PPP1R9A: variants seen among roughly 807,000 people sequenced by gnomAD.
PPP1R9A encodes the protein neurabin-1.
A neutral mutation model predicts 141.9 loss-of-function variants in PPP1R9A; 59 were observed. The observed-to-expected ratio is 0.42, with a 90% CI of 0.34 to 0.52. The LOEUF (loss-of-function observed/expected upper bound fraction) is 0.52. Among genes scored for constraint, PPP1R9A ranks in the 20% least tolerant of loss-of-function variants. PPP1R9A has a pLI of 0.10. For synonymous variants in PPP1R9A, 500 were observed against 569.7 expected, an observed-to-expected ratio of 0.88 and a Z score of 1.74; for missense variants, 1,444 against 1,611.9, an observed-to-expected ratio of 0.90 and a Z score of 1.78.
intron 12 of PPP1R9A, among the ~76,000 whole-genome samples, chr7:95,256,791 C>T (rs189377183): frequency 6.6e-6 from 1 of 152,128 alleles, no homozygotes; most frequent in African/African-American, 2.4e-5. Context: ...ATTTAAGAAG[C>T]ATCAGACATC....
intron 7 of PPP1R9A, among the ~76,000 whole-genome samples, chr7:95,215,338 A>G (rs973173949): frequency 1.3e-5 from 2 of 152,044 alleles, no homozygotes; most frequent in African/African-American, 4.8e-5. Flanking sequence ...TCCATGGTGT[A>G]TATGTGCCAC....
At chr7:94,960,678 G>A (rs1178532505) in intron 2 of PPP1R9A, among the ~76,000 whole-genome samples, 1 of 151,652 alleles carries the variant, frequency 6.6e-6, no homozygotes, top group Admixed American at 6.6e-5. Flanking sequence ...TAAGGAGACT[G>A]TTATTCAGTA....
At chr7:95,163,192 A>G (rs763352851) in intron 5 of PPP1R9A, among the ~76,000 whole-genome samples, 4 of 152,236 alleles carry the variant, frequency 2.6e-5, no homozygotes, top group Non-Finnish European at 2.9e-5. Flanking sequence ...TCAGTTGGAA[A>G]AGAATTTGTA....
chr7:95,075,439 C>G (rs531356891), intron 2 of PPP1R9A, among the ~76,000 whole-genome samples: 3 of 152,118 alleles, frequency 2.0e-5, no homozygotes, highest in Non-Finnish European at 4.4e-5. Flanking sequence ...GAAAAACATT[C>G]ACTTAATACA....
At chr7:94,945,232 G>C (rs945429479) in intron 2 of PPP1R9A, among the ~76,000 whole-genome samples, 11 of 151,994 alleles carry the variant, frequency 7.2e-5, no homozygotes, top group African/African-American at 2.7e-4. Flanking sequence ...TTAACCTCTG[G>C]TGCTTTTCTT....
chr7:94,935,164 A>G (rs953944340), intron 2 of PPP1R9A, among the ~76,000 whole-genome samples: 44 of 152,198 alleles, frequency 2.9e-4, no homozygotes, highest in African/African-American at 1.0e-3. Flanking sequence ...TACATTGTCT[A>G]TGGAGAGTCA....
At chr7:94,967,391 C>A (rs985649252) in intron 2 of PPP1R9A, among the ~76,000 whole-genome samples, 4 of 151,916 alleles carry the variant, frequency 2.6e-5, no homozygotes, top group African/African-American at 9.7e-5. Flanking sequence ...TTCTCTAGTT[C>A]TTTTAATTGT....
chr7:95,293,193 C>T lies in PPP1R9A; in HGVS notation c.*2890C>T, dbSNP rs955322525. The T allele has an allele frequency of 6.6e-6, 1 of 152,128 alleles. No individual in the cohort carries two copies. Among genetic ancestry groups the T allele is most frequent in the Non-Finnish European group, 1.5e-5 (1 of 68,036 alleles). The allele number at this position is 152,128 out of a possible 1,614,324, so 9.4% of individuals were successfully genotyped here. ...AGCATTGTATGAGCTGTATCTGGGTCAGGGTTTCCCATTAAAGGATGTTAG... is the reference window on the plus strand; with the variant it reads ...AGCATTGTATGAGCTGTATCTGGGTTAGGGTTTCCCATTAAAGGATGTTAG... On this transcript the variant is annotated 3_prime_UTR_variant, in exon 20 of 20. Transcript: ENST00000433360.
intron 2 of PPP1R9A, among the ~76,000 whole-genome samples, chr7:95,023,577 G>A (rs1405586625): frequency 6.6e-6 from 1 of 151,710 alleles, no homozygotes; most frequent in African/African-American, 2.4e-5. Context: ...TGTTTGAGAT[G>A]GAGTCTTGCT....
intron 5 of PPP1R9A, among the ~76,000 whole-genome samples, chr7:95,169,740 C>T (rs1831826277): frequency 6.6e-6 from 1 of 151,840 alleles, no homozygotes; most frequent in Admixed American, 6.6e-5. Context: ...ATTCAAAAGC[C>T]TTAAAAGCAA....
rs1798768594 is a variant in PPP1R9A at position 95,250,783 on chromosome 7, C to G, written c.2396+528C>G. 2.0e-5 allele frequency among the ~76,000 whole-genome samples: 3 copies of G among 152,120 alleles called. No homozygotes were observed. In the South Asian group the frequency reaches 6.2e-4, roughly 32 times the overall value. On this transcript the variant is annotated intron_variant, in intron 10 of 19. Transcript: ENST00000433360. The stretch of plus-strand genomic sequence containing the variant: ...GCTGTTGAGAGAATCAGGAGGGCCT[C>G]CTTTCACTGCAGGGAGAGAGACCAT...
intron 2 of PPP1R9A, among the ~76,000 whole-genome samples, chr7:95,072,284 A>G (rs1378183366): frequency 4.8e-5 from 7 of 145,018 alleles, no homozygotes; most frequent in South Asian, 4.2e-4. Flanking sequence ...ATAATATAAT[A>G]TATATTATAA....
chr7:95,098,943 C>T (rs1031138407), intron 2 of PPP1R9A, among the ~76,000 whole-genome samples: 6 of 152,170 alleles, frequency 3.9e-5, no homozygotes, highest in Non-Finnish European at 5.9e-5. Flanking sequence ...TCAAGAGAAG[C>T]TCTCAAACCC....
intron 16 of PPP1R9A, among the ~76,000 whole-genome samples, chr7:95,275,344 G>A (rs1802962969): frequency 6.6e-6 from 1 of 150,382 alleles, no homozygotes; most frequent in Non-Finnish European, 1.5e-5. Flanking sequence ...GGAGGCGGAG[G>A]TTTGAGTGAG....
rs557720087 is a variant in PPP1R9A at position 95,250,744 on chromosome 7, C to T, written c.2396+489C>T. On this transcript the variant is annotated intron_variant, in intron 10 of 19. Transcript: ENST00000433360. ...ACTAGCAAGGCCCCCTGCCCTGCCA[C>T]TCTGCATTTCTCAGCTGTTGAGAGA... 2.0e-5 allele frequency among the ~76,000 whole-genome samples: 3 copies of T among 152,286 alleles called. No homozygotes were observed. The South Asian group carries it at 6.2e-4, about 32-fold the overall frequency.
At chr7:95,091,999 A>G (rs892988392) in intron 2 of PPP1R9A, among the ~76,000 whole-genome samples, 4 of 152,052 alleles carry the variant, frequency 2.6e-5, no homozygotes, top group African/African-American at 9.7e-5. Context: ...TGATTATGAG[A>G]TTTAAATGAG....
intron 2 of PPP1R9A, among the ~76,000 whole-genome samples, chr7:94,988,874 G>C (rs1801164578): frequency 6.6e-6 from 1 of 151,480 alleles, no homozygotes; most frequent in Non-Finnish European, 1.5e-5. Flanking sequence ...TCAGTCCTTA[G>C]CTGTTCAGGA....
Position 95,017,451 on chromosome 7 carries a change from G to A in PPP1R9A, c.1396-93808G>A, listed in dbSNP as rs144641168. Reference sequence around the variant, plus strand: ...TGGTGCATTCATTTATCCTAACAGCGTACTGTTGGAAAATGAATTTTAAAA... The same window carrying A: ...TGGTGCATTCATTTATCCTAACAGCATACTGTTGGAAAATGAATTTTAAAA... On this transcript the variant is annotated intron_variant, in intron 2 of 19. Coordinates refer to ENST00000433360, the MANE Select transcript of PPP1R9A (RefSeq NM_001166160.2). Among the ~76,000 whole-genome samples, 328 of 152,152 alleles carry A rather than the reference G, an allele frequency of 2.2e-3. 1 individual carries two copies. Among genetic ancestry groups the A allele is most frequent in the Non-Finnish European group, 2.7e-3 (186 of 67,988 alleles).
Position 95,089,611 on chromosome 7 carries a change from C to T in PPP1R9A, c.1396-21648C>T, listed in dbSNP as rs191887218. 3.3e-5 allele frequency among the ~76,000 whole-genome samples: 5 copies of T among 152,106 alleles called. No individual in the cohort carries two copies. In the East Asian group the frequency reaches 9.6e-4, roughly 29 times the overall value. ...CCTCACATTCTTCACCTGGATAATC[C>T]ACCACAGGGAGCGGAGTCCCATGCC... On this transcript the variant is annotated intron_variant, in intron 2 of 19. Transcript: ENST00000433360.
Sources: gnomAD v4.1 joint callset for allele counts (sites outside exome capture counted in the v4.1 genomes callset) on GRCh38, gnomAD v4.1.1 for gene constraint, MANE v1.5 for transcripts, NCBI Gene and HGNC (gene_info 2026-07-23, HGNC 2026-07-21) for gene names.